Variants in AP1S3 observed in about 807,000 individuals in gnomAD.
The protein encoded by AP1S3 is AP-1 complex subunit sigma-3.
A neutral mutation model predicts 20.9 loss-of-function variants in AP1S3; 10 were observed. The observed-to-expected ratio is 0.48, with a 90% CI of 0.29 to 0.81. The LOEUF is 0.81. AP1S3 is among the 30% of genes least tolerant of loss of function. The pLI is 0.08. For synonymous variants in AP1S3, 41 were observed against 61.5 expected (o/e 0.67, Z 1.56); for missense variants, 154 against 183.8 (o/e 0.84, Z 0.94).
At chr2:223,827,020 G>T (rs989814332) in intron 1 of AP1S3, among the ~76,000 whole-genome samples, 2 of 152,084 alleles carry the variant, frequency 1.3e-5, no homozygotes, top group African/African-American at 4.8e-5. Context: ...TTTGTAAGAG[G>T]CGGGCAATGG....
At chr2:223,776,103 G>C in intron 2 of AP1S3, 94 bp from the exon 3 acceptor site, 1 of 848,162 alleles carries the variant, frequency 1.2e-6, no homozygotes, top group East Asian at 2.7e-5. Flanking sequence ...CTCCTCCCCC[G>C]CCGAGCCTCT....
intron 3 of AP1S3, 102 bp from the exon 4 acceptor site, chr2:223,765,452 C>T: frequency 8.1e-7 from 1 of 1,233,442 alleles, no homozygotes; most frequent in Non-Finnish European, 1.1e-6. Context: ...TGTGGCGTAC[C>T]AAAAATAAAA....
At chr2:223,805,152 T>C (rs1691550117) in intron 1 of AP1S3, among the ~76,000 whole-genome samples, 1 of 152,192 alleles carries the variant, frequency 6.6e-6, no homozygotes, top group Non-Finnish European at 1.5e-5. Context: ...CTTTAGCATG[T>C]TATGGGCCAG....
chr2:223,762,578 G>A (rs946017693), intron 4 of AP1S3, among the ~76,000 whole-genome samples: 2 of 152,186 alleles, frequency 1.3e-5, no homozygotes, highest in South Asian at 2.1e-4. Context: ...CAGACAGAGG[G>A]TTTAATTTTC....
chr2:223,792,944 A>T (rs1437660055), intron 1 of AP1S3, among the ~76,000 whole-genome samples: 4 of 152,250 alleles, frequency 2.6e-5, no homozygotes, highest in African/African-American at 4.8e-5. Flanking sequence ...AAAAGAAGAC[A>T]TACATGTAGC....
At position 223,837,356 on chromosome 2, in the gene AP1S3, C is replaced by G. The variant is rs1692428601; in HGVS notation, c.3+92G>C. On this transcript the variant is annotated intron_variant, in intron 1 of 4. Coordinates refer to ENST00000396654, the MANE Select transcript of AP1S3 (RefSeq NM_001039569.2). ...GCGGGACTCGGCCCGCACCCCCACC[C>G]GGCCGCGCGCCCGGCCCGGACGCCC... is the stretch of plus-strand genomic sequence containing the variant. 4 of 687,432 alleles carry G rather than the reference C, an allele frequency of 5.8e-6. No individual in the cohort carries two copies. In the East Asian group the frequency reaches 1.5e-4, roughly 26 times the overall value. 42.6% of individuals were successfully genotyped at this position (687,432 alleles called of 1,614,324 possible).
At position 223,758,556 on chromosome 2, in the gene AP1S3, T is replaced by C. The variant is rs1269044857; in HGVS notation, c.*159A>G. 4 of 1,347,144 alleles carry C rather than the reference T, an allele frequency of 3.0e-6. No homozygotes were observed. Among genetic ancestry groups the C allele is most frequent in the Non-Finnish European group, 3.8e-6 (4 of 1,049,242 alleles). 83.4% of individuals were successfully genotyped at this position (1,347,144 alleles called of 1,614,324 possible). ...TAATAATACAGACACATAGTAATTA[T>C]AAATATGTTAAACAACTTTAACTTT... On this transcript the variant is annotated 3_prime_UTR_variant, in exon 5 of 5. Coordinates refer to ENST00000396654, the MANE Select transcript of AP1S3 (RefSeq NM_001039569.2).
At chr2:223,803,668 A>C (rs1259322052) in intron 1 of AP1S3, among the ~76,000 whole-genome samples, 2 of 152,032 alleles carry the variant, frequency 1.3e-5, no homozygotes, top group African/African-American at 4.8e-5. Flanking sequence ...TCATGAAGTC[A>C]GGAGATCTAG....
intron 3 of AP1S3, among the ~76,000 whole-genome samples, chr2:223,766,499 A>C (rs898635136): frequency 3.9e-5 from 6 of 152,226 alleles, no homozygotes; most frequent in Non-Finnish European, 7.3e-5. Flanking sequence ...CAAAAACTAC[A>C]ATGAGATACC....
Position 223,761,519 on chromosome 2 carries a change from G to A in AP1S3, c.430-2769C>T, listed in dbSNP as rs116183356. 6.1e-3 allele frequency among the ~76,000 whole-genome samples: 933 copies of A among 152,180 alleles called. 9 individuals are homozygous for A. Among genetic ancestry groups the A allele is most frequent in the African/African-American group, 0.021 (890 of 41,502 alleles). On this transcript the variant is annotated intron_variant, in intron 4 of 4. Coordinates refer to ENST00000396654, the MANE Select transcript of AP1S3 (RefSeq NM_001039569.2). ...CGCTCACTGCAGCCTTGACCTCTCG[G>A]GCTCAAGTGATCCTTTCACCTTAGC...
At chr2:223,758,909 A>C (rs1289540201) in intron 4 of AP1S3, among the ~76,000 whole-genome samples, 159 bp from the exon 5 acceptor site, 1 of 152,264 alleles carries the variant, frequency 6.6e-6, no homozygotes, top group African/African-American at 2.4e-5. Flanking sequence ...TCAAAGTTTG[A>C]GTATAATTTG....
intron 1 of AP1S3, among the ~76,000 whole-genome samples, chr2:223,810,263 G>A (rs1270257707): frequency 6.6e-6 from 1 of 151,876 alleles, no homozygotes; most frequent in Admixed American, 6.6e-5. Flanking sequence ...ATATGACAGG[G>A]GAAAATAAAA....
intron 1 of AP1S3, among the ~76,000 whole-genome samples, chr2:223,807,279 G>C (rs190757044): frequency 6.6e-6 from 1 of 152,158 alleles, no homozygotes; most frequent in Admixed American, 6.5e-5. Flanking sequence ...AAAAGAGAGA[G>C]ACAGAGAGAA....
At chr2:223,813,751 AAGGTAGTTCCTTGAGTGAAAG>A (rs1262671657) in intron 1 of AP1S3, among the ~76,000 whole-genome samples, 1 of 152,216 alleles carries the variant, frequency 6.6e-6, no homozygotes, top group African/African-American at 2.4e-5. Context: ...CTCAGAATAG[AAGGTAGTTCCTTGAGTGAAAG>A]AGGTAAGAAG....
At chr2:223,762,554 T>TGA (rs1325947235) in intron 4 of AP1S3, among the ~76,000 whole-genome samples, 4 of 152,164 alleles carry the variant, frequency 2.6e-5, no homozygotes, top group Non-Finnish European at 5.9e-5. Flanking sequence ...CTTACAGACG[T>TGA]GAGCCACCAC....
At chr2:223,823,548 G>A (rs927762444) in intron 1 of AP1S3, among the ~76,000 whole-genome samples, 11 of 152,296 alleles carry the variant, frequency 7.2e-5, no homozygotes, top group Admixed American at 1.3e-4. Flanking sequence ...AGTCATAGAA[G>A]CAGAGAGAGA....
chr2:223,833,819 C>T (rs1019237960), intron 1 of AP1S3, among the ~76,000 whole-genome samples: 1 of 152,218 alleles, frequency 6.6e-6, no homozygotes, highest in Non-Finnish European at 1.5e-5. Context: ...CACGCATTCA[C>T]TTATGGTACC....
intron 1 of AP1S3, among the ~76,000 whole-genome samples, chr2:223,810,070 T>C (rs1350669874): frequency 6.6e-6 from 1 of 152,058 alleles, no homozygotes. Context: ...CTCTACAATA[T>C]GAGCTCCATG....
At chr2:223,785,352 A>G (rs1691048662) in intron 1 of AP1S3, among the ~76,000 whole-genome samples, 1 of 152,202 alleles carries the variant, frequency 6.6e-6, no homozygotes, top group Non-Finnish European at 1.5e-5. Flanking sequence ...CAAAAAATAA[A>G]AACAAAAATA....
Sources: allele counts gnomAD v4.1 joint callset (sites outside exome capture counted in the v4.1 genomes callset), GRCh38; gene constraint gnomAD v4.1.1; transcripts MANE v1.5; gene names NCBI Gene and HGNC (gene_info 2026-07-23, HGNC 2026-07-21).